Variants in EEFSEC observed in about 807,000 individuals in gnomAD.
EEFSEC encodes the protein selenocysteine-specific elongation factor.
Under a neutral mutation model 42.1 loss-of-function variants are expected in EEFSEC, and 43 were observed. The ratio of observed to expected loss-of-function variants is 1.02; its 90% CI spans 0.80 to 1.32. The LOEUF is 1.32. Ranked by LOEUF, EEFSEC falls within the 40% of genes most tolerant of loss-of-function variation. EEFSEC has a pLI of 0.00. For missense variants in EEFSEC, 745 were observed against 803.6 expected, an observed-to-expected ratio of 0.93 and a Z score of 0.88; for synonymous variants, 354 against 339.1, an observed-to-expected ratio of 1.04 and a Z score of -0.48.
intron 4 of EEFSEC, among the ~76,000 whole-genome samples, chr3:128,309,345 A>C (rs550899885): frequency 6.6e-6 from 1 of 152,246 alleles, no homozygotes; most frequent in East Asian, 1.9e-4. Flanking sequence ...TTAGAGGAAG[A>C]AATGGGAAAG....
intron 1 of EEFSEC, among the ~76,000 whole-genome samples, chr3:128,177,416 C>T (rs1183992937): frequency 6.7e-6 from 1 of 148,374 alleles, no homozygotes; most frequent in Non-Finnish European, 1.5e-5. Context: ...CCACCCGCAT[C>T]TCTGGATTTT....
Position 128,406,105 on chromosome 3 carries a change from G to A in EEFSEC, c.1601-1964G>A, listed in dbSNP as rs115453106. ...ACAGAGTGAGTGCTTACACTGAGGTGCTCTGCCAGGGGTGGAACTGCTCCG... is the reference window on the plus strand; with the variant it reads ...ACAGAGTGAGTGCTTACACTGAGGTACTCTGCCAGGGGTGGAACTGCTCCG... On this transcript the variant is annotated intron_variant, in intron 6 of 6. Coordinates refer to ENST00000254730, the MANE Select transcript of EEFSEC (RefSeq NM_021937.5). Among the ~76,000 whole-genome samples, 153 of 152,300 alleles carry A rather than the reference G, an allele frequency of 1.0e-3. 1 individual carries two copies. The highest frequency in any genetic ancestry group is 3.5e-3 in the African/African-American group (144 of 41,580).
chr3:128,174,280 A>G (rs1442225032), intron 1 of EEFSEC, among the ~76,000 whole-genome samples: 5 of 152,240 alleles, frequency 3.3e-5, no homozygotes, highest in Non-Finnish European at 1.5e-5. Context: ...CACAGAAAAT[A>G]CAGTTTACAA....
At chr3:128,196,705 G>T (rs901391496) in intron 1 of EEFSEC, among the ~76,000 whole-genome samples, 2 of 152,174 alleles carry the variant, frequency 1.3e-5, no homozygotes, top group Non-Finnish European at 2.9e-5. Flanking sequence ...AAGCATATAA[G>T]CTCTGACTTG....
intron 5 of EEFSEC, among the ~76,000 whole-genome samples, chr3:128,344,444 G>A (rs77255310): frequency 6.6e-6 from 1 of 152,308 alleles, no homozygotes; most frequent in East Asian, 1.9e-4. Flanking sequence ...TAATTATTCA[G>A]TGTAAGGAAG....
At chr3:128,382,182 C>A (rs1007806285) in intron 6 of EEFSEC, among the ~76,000 whole-genome samples, 1 of 152,224 alleles carries the variant, frequency 6.6e-6, no homozygotes, top group Non-Finnish European at 1.5e-5. Flanking sequence ...CCCCTCTGGG[C>A]TGCTTGTGGA....
At chr3:128,381,544 C>G (rs1351613856) in intron 6 of EEFSEC, among the ~76,000 whole-genome samples, 1 of 152,162 alleles carries the variant, frequency 6.6e-6, no homozygotes, top group African/African-American at 2.4e-5. Flanking sequence ...CTCTGGAGCC[C>G]CAGATCTGTA....
chr3:128,175,813 G>C, intron 1 of EEFSEC, among the ~76,000 whole-genome samples: 1 of 152,218 alleles, frequency 6.6e-6, no homozygotes, highest in Admixed American at 6.5e-5. Context: ...TCAGCGTGGG[G>C]CCTGGATTTG....
intron 1 of EEFSEC, among the ~76,000 whole-genome samples, chr3:128,227,394 A>G (rs1383742183): frequency 1.3e-5 from 2 of 151,390 alleles, no homozygotes; most frequent in Non-Finnish European, 2.9e-5. Flanking sequence ...TCTGTGACCC[A>G]GTGCCCTCAG....
At chr3:128,357,893 G>A (rs756429967) in intron 5 of EEFSEC, among the ~76,000 whole-genome samples, 10 of 150,428 alleles carry the variant, frequency 6.6e-5, no homozygotes, top group African/African-American at 2.0e-4. Context: ...GAACTCTGCC[G>A]TGCCTCCATT....
chr3:128,295,948 C>T (rs767494814), intron 4 of EEFSEC, among the ~76,000 whole-genome samples: 1 of 152,206 alleles, frequency 6.6e-6, no homozygotes, highest in Non-Finnish European at 1.5e-5. Flanking sequence ...GGTCCCCAGC[C>T]CCAGCCTCAG....
At chr3:128,248,986 C>G (rs528897482) in intron 2 of EEFSEC, among the ~76,000 whole-genome samples, 1 of 152,326 alleles carries the variant, frequency 6.6e-6, no homozygotes, top group South Asian at 2.1e-4. Context: ...AGGACTGTCA[C>G]CCTGAGGGGT....
At chr3:128,378,822 C>T (rs914358836) in intron 6 of EEFSEC, among the ~76,000 whole-genome samples, 10 of 152,184 alleles carry the variant, frequency 6.6e-5, no homozygotes, top group South Asian at 2.1e-4. Flanking sequence ...CAGGGAGGCC[C>T]GAAGCCAGCT....
intron 4 of EEFSEC, among the ~76,000 whole-genome samples, chr3:128,302,221 G>A (rs901739298): frequency 1.3e-5 from 2 of 152,142 alleles, no homozygotes; most frequent in African/African-American, 4.8e-5. Flanking sequence ...TGATACGCCT[G>A]TTCCTTTTGT....
intron 4 of EEFSEC, among the ~76,000 whole-genome samples, chr3:128,272,116 G>A (rs1425879934): frequency 2.0e-5 from 3 of 152,172 alleles, no homozygotes; most frequent in East Asian, 3.9e-4. Context: ...AACTGGCTCT[G>A]CCCTGTCGTG....
At chr3:128,282,970 C>T (rs1243449578) in intron 4 of EEFSEC, among the ~76,000 whole-genome samples, 1 of 152,248 alleles carries the variant, frequency 6.6e-6, no homozygotes, top group Non-Finnish European at 1.5e-5. Flanking sequence ...ACTGTGCCTC[C>T]CTTTTAAGTG....
At chr3:128,405,648 T>A (rs1298324275) in intron 6 of EEFSEC, among the ~76,000 whole-genome samples, 1 of 152,252 alleles carries the variant, frequency 6.6e-6, no homozygotes, top group Non-Finnish European at 1.5e-5. Flanking sequence ...CCCTCCGGAC[T>A]GAAGCTTGAT....
intron 4 of EEFSEC, among the ~76,000 whole-genome samples, chr3:128,333,131 C>A (rs771629274): frequency 6.6e-6 from 1 of 152,234 alleles, no homozygotes; most frequent in Non-Finnish European, 1.5e-5. Context: ...GCCCTTGGCA[C>A]AACCAGGAGC....
the EEFSEC span, among the ~76,000 whole-genome samples, chr3:128,426,023 G>T: frequency 1.3e-5 from 2 of 152,214 alleles, no homozygotes; most frequent in African/African-American, 4.8e-5. Context: ...CCAGGGACCT[G>T]CTAGAAACCT....
Sources: allele counts gnomAD v4.1 joint callset (sites outside exome capture counted in the v4.1 genomes callset), GRCh38; gene constraint gnomAD v4.1.1; transcripts MANE v1.5; gene names NCBI Gene and HGNC (gene_info 2026-07-23, HGNC 2026-07-21).